SH3PXD2B: variants seen among roughly 807,000 people sequenced by gnomAD.
SH3PXD2B encodes the protein SH3 and PX domain-containing protein 2B.
In SH3PXD2B, 37 loss-of-function variants were observed where a neutral mutation model predicts 73.1. The observed-to-expected ratio is 0.51, with a 90% CI of 0.39 to 0.67. The LOEUF is 0.67. Ranked by LOEUF, SH3PXD2B falls within the 30% of genes least tolerant of loss-of-function variation. The probability of loss-of-function intolerance (pLI) is 0.00; values close to 1 mark genes in which losing one functional copy is unlikely to be tolerated. For synonymous variants in SH3PXD2B, 457 were observed against 480.5 expected, an observed-to-expected ratio of 0.95 and a Z score of 0.64; for missense variants, 1,053 against 1,197.8, an observed-to-expected ratio of 0.88 and a Z score of 1.78.
At position 172,335,723 on chromosome 5, in the gene SH3PXD2B, G is replaced by A. The variant is rs1042869173; in HGVS notation, c.*2646C>T. On this transcript the variant is annotated 3_prime_UTR_variant, in exon 13 of 13. Transcript: ENST00000311601. ...AATAGCGACCACAGTCCTGGATGGGGTAAATCTAAGTCCCCAGGCAAGGAC... is the reference window on the plus strand; with the variant it reads ...AATAGCGACCACAGTCCTGGATGGGATAAATCTAAGTCCCCAGGCAAGGAC... 1.6e-6 allele frequency: 2 copies of A among 1,231,482 alleles called. No homozygotes were observed. Among genetic ancestry groups the A allele is most frequent in the Non-Finnish European group, 1.0e-6 (1 of 987,858 alleles). The allele number at this position is 1,231,482 out of a possible 1,614,324, so 76.3% of individuals were successfully genotyped here. A position where few individuals can be genotyped will look rare whatever the true frequency, so the allele number is the denominator to read the frequency against.
At chr5:172,396,766 G>C (rs1015380143) in intron 3 of SH3PXD2B, among the ~76,000 whole-genome samples, 11 of 152,078 alleles carry the variant, frequency 7.2e-5, no homozygotes, top group African/African-American at 2.4e-4. Flanking sequence ...GGCCAACGTG[G>C]TAAAACCCCG....
chr5:172,449,238 T>C (rs1373116658), intron 1 of SH3PXD2B, among the ~76,000 whole-genome samples: 1 of 152,146 alleles, frequency 6.6e-6, no homozygotes, highest in African/African-American at 2.4e-5. Flanking sequence ...GAATAAATGG[T>C]GAGATCAGAG....
chr5:172,446,085 G>A (rs1039891511), intron 1 of SH3PXD2B, among the ~76,000 whole-genome samples: 1 of 152,148 alleles, frequency 6.6e-6, no homozygotes, highest in Non-Finnish European at 1.5e-5. Flanking sequence ...CTCCACCCAG[G>A]GGCCAGCTGA....
intron 1 of SH3PXD2B, among the ~76,000 whole-genome samples, chr5:172,435,681 C>T (rs910882987): frequency 6.6e-6 from 1 of 152,174 alleles, no homozygotes; most frequent in African/African-American, 2.4e-5. Context: ...GCCTCGGCCT[C>T]CCAAAGTGCT....
chr5:172,349,482 T>A (rs571883244), intron 10 of SH3PXD2B, among the ~76,000 whole-genome samples: 8 of 152,230 alleles, frequency 5.3e-5, no homozygotes, highest in African/African-American at 1.9e-4. Flanking sequence ...TGGTAAAATA[T>A]ACACGAGGAG....
At chr5:172,352,962 A>G (rs1218871939) in intron 9 of SH3PXD2B, among the ~76,000 whole-genome samples, 1 of 152,104 alleles carries the variant, frequency 6.6e-6, no homozygotes, top group African/African-American at 2.4e-5. Context: ...CCTGACCCCC[A>G]GGCTGAGGAG....
intron 1 of SH3PXD2B, among the ~76,000 whole-genome samples, chr5:172,438,237 C>T (rs1443087321): frequency 2.6e-5 from 4 of 152,182 alleles, no homozygotes; most frequent in Non-Finnish European, 5.9e-5. Flanking sequence ...CCTTGGAAGC[C>T]TTCCTGGACA....
downstream of SH3PXD2B, among the ~76,000 whole-genome samples, chr5:172,330,815 T>C (rs1407328751): frequency 6.6e-6 from 1 of 152,240 alleles, no homozygotes; most frequent in Non-Finnish European, 1.5e-5. Context: ...AAAATGGATG[T>C]AATATTTCCT....
At chr5:172,375,286 G>A (rs1757797937) in intron 5 of SH3PXD2B, among the ~76,000 whole-genome samples, 1 of 152,184 alleles carries the variant, frequency 6.6e-6, no homozygotes, top group Non-Finnish European at 1.5e-5. Context: ...CTTGAACCTG[G>A]GAGGTGGAGG....
intron 3 of SH3PXD2B, among the ~76,000 whole-genome samples, chr5:172,405,767 T>C (rs1758539102): frequency 6.6e-6 from 1 of 152,184 alleles, no homozygotes; most frequent in Non-Finnish European, 1.5e-5. Context: ...CATGGGTGTT[T>C]TAAGCTATTA....
intron 4 of SH3PXD2B, among the ~76,000 whole-genome samples, chr5:172,387,382 T>C (rs544000190): frequency 2.0e-5 from 3 of 152,360 alleles, no homozygotes; most frequent in East Asian, 1.9e-4. Context: ...CCACAGCCTT[T>C]ATTCATTAGC....
chr5:172,363,645 G>A (rs1247305995), intron 6 of SH3PXD2B, among the ~76,000 whole-genome samples: 1 of 152,092 alleles, frequency 6.6e-6, no homozygotes, highest in African/African-American at 2.4e-5. Context: ...AGAGAATGGG[G>A]GAAGAGCAGC....
At chr5:172,450,634 CAG>C (rs1759773866) in intron 1 of SH3PXD2B, among the ~76,000 whole-genome samples, 1 of 152,100 alleles carries the variant, frequency 6.6e-6, no homozygotes, top group African/African-American at 2.4e-5. Context: ...GATCTTGAGA[CAG>C]AGCAGGCCAG....
At chr5:172,404,025 G>A (rs943560657) in intron 3 of SH3PXD2B, among the ~76,000 whole-genome samples, 9 of 152,204 alleles carry the variant, frequency 5.9e-5, no homozygotes, top group African/African-American at 1.2e-4. Flanking sequence ...TTTGGCTGCC[G>A]CAGCTGGCCA....
At position 172,417,979 on chromosome 5, in the gene SH3PXD2B, A is replaced by G. The variant is rs181919530; in HGVS notation, c.156+4437T>C. ...TTTCCCCTAGCCTCTGGCAGCCACGAACCTGCTTTCTGTCTATGAATCTGC... is the reference window on the plus strand; with the variant it reads ...TTTCCCCTAGCCTCTGGCAGCCACGGACCTGCTTTCTGTCTATGAATCTGC... On this transcript the variant is annotated intron_variant, in intron 2 of 12. Transcript: ENST00000311601. 2.0e-5 allele frequency among the ~76,000 whole-genome samples: 3 copies of G among 152,268 alleles called. No homozygotes were observed. The East Asian group carries it at 5.8e-4, about 29-fold the overall frequency.
intron 1 of SH3PXD2B, among the ~76,000 whole-genome samples, chr5:172,446,827 G>T (rs1441552609): frequency 6.6e-6 from 1 of 152,234 alleles, no homozygotes; most frequent in African/African-American, 2.4e-5. Context: ...GATGGGGAAG[G>T]GCCTGGACTT....
intron 2 of SH3PXD2B, among the ~76,000 whole-genome samples, chr5:172,409,569 T>C (rs1417634834): frequency 6.6e-6 from 1 of 152,246 alleles, no homozygotes; most frequent in Non-Finnish European, 1.5e-5. Flanking sequence ...CACATGTAAG[T>C]GAGAACTTTA....
At chr5:172,417,115 G>A (rs1303865009) in intron 2 of SH3PXD2B, among the ~76,000 whole-genome samples, 2 of 152,076 alleles carry the variant, frequency 1.3e-5, no homozygotes, top group Non-Finnish European at 2.9e-5. Flanking sequence ...CCGTTGGAGG[G>A]GGCATATTGT....
In SH3PXD2B at chr5:172,333,923, A is replaced by T. The variant is rs974655978; in HGVS notation, c.*4446T>A. The T allele has an allele frequency of 8.0e-7, 1 of 1,254,156 alleles. No individual in the cohort carries two copies. Among genetic ancestry groups the T allele is most frequent in the Non-Finnish European group, 1.0e-6 (1 of 978,158 alleles). 77.7% of individuals were successfully genotyped at this position (1,254,156 alleles called of 1,614,324 possible). On this transcript the variant is annotated 3_prime_UTR_variant, in exon 13 of 13. Transcript: ENST00000311601. ...GGCACAAAGGCATACATGGGCACACACTGGGGTAAAATGTGGACACCATCG... is the reference window on the plus strand; with the variant it reads ...GGCACAAAGGCATACATGGGCACACTCTGGGGTAAAATGTGGACACCATCG...
Sources: gnomAD v4.1 joint callset for allele counts (sites outside exome capture counted in the v4.1 genomes callset) on GRCh38, gnomAD v4.1.1 for gene constraint, MANE v1.5 for transcripts, NCBI Gene and HGNC (gene_info 2026-07-23, HGNC 2026-07-21) for gene names.